Variants in PACS1 observed in about 807,000 individuals in gnomAD.
PACS1 encodes the protein phosphofurin acidic cluster sorting protein 1, also known as PACS-1.
A neutral mutation model predicts 115.0 loss-of-function variants in PACS1; 24 were observed. The ratio of observed to expected loss-of-function variants is 0.21; its 90% CI spans 0.15 to 0.29. PACS1 has a LOEUF of 0.29. Among genes scored for constraint, PACS1 ranks in the 10% least tolerant of loss-of-function variants. The pLI, the probability that PACS1 is intolerant of heterozygous loss-of-function variation, is 1.00. For missense variants in PACS1, 838 were observed against 1,251.2 expected (o/e 0.67, Z 4.98); for synonymous variants, 453 against 504.5 (o/e 0.90, Z 1.37).
At chr11:66,172,845 G>T (rs1270670798) in intron 1 of PACS1, among the ~76,000 whole-genome samples, 2 of 151,866 alleles carry the variant, frequency 1.3e-5, no homozygotes, top group Non-Finnish European at 2.9e-5. Context: ...GCGTGGTGGC[G>T]CGTGCCTGTA....
Position 66,070,433 on chromosome 11 carries a change from C to T in PACS1, c.-54C>T. ...CCGCCGCCGCCGCCGCGGGGGAAGCCTGGGAGCCAGATCGGCGTCGCCTCG... is the reference window on the plus strand; with the variant it reads ...CCGCCGCCGCCGCCGCGGGGGAAGCTTGGGAGCCAGATCGGCGTCGCCTCG... On this transcript the variant is annotated 5_prime_UTR_variant, in exon 1 of 24. Transcript: ENST00000320580. This position sits in a 1 kb window ranked among gnomAD's most constrained non-coding sequence, Gnocchi z 5.9. 9 of 1,104,648 alleles carry T rather than the reference C, an allele frequency of 8.1e-6. No individual in the cohort carries two copies. Among genetic ancestry groups the T allele is most frequent in the Non-Finnish European group, 9.1e-6 (8 of 876,206 alleles). 68.4% of individuals were successfully genotyped at this position (1,104,648 alleles called of 1,614,324 possible). A position where few individuals can be genotyped will look rare whatever the true frequency, so the allele number is the denominator to read the frequency against.
At chr11:66,140,207 A>G (rs1046662222) in intron 1 of PACS1, among the ~76,000 whole-genome samples, 2 of 152,208 alleles carry the variant, frequency 1.3e-5, no homozygotes, top group Non-Finnish European at 2.9e-5. Flanking sequence ...GGTGGGACCT[A>G]TAAGTCTGCA....
At position 66,243,374 on chromosome 11, in the gene PACS1, C is replaced by T; in HGVS notation, c.*94C>T. 1 of 812,238 alleles carries T rather than the reference C, an allele frequency of 1.2e-6. No homozygotes were observed. The allele number at this position is 812,238 out of a possible 1,614,324, so 50.3% of individuals were successfully genotyped here. A position where few individuals can be genotyped will look rare whatever the true frequency, so the allele number is the denominator to read the frequency against. On this transcript the variant is annotated 3_prime_UTR_variant, in exon 24 of 24. Coordinates refer to ENST00000320580, the MANE Select transcript of PACS1 (RefSeq NM_018026.4). ...GCCAGCAGGCCCGGGCCCAGCACCC[C>T]TTCCCTGGCACCAGGGTCTGCCTCT...
In PACS1 at chr11:66,208,290, C is replaced by CA. The variant is rs370125146; in HGVS notation, c.445-2071dup. 3.9e-3 allele frequency among the ~76,000 whole-genome samples: 593 copies of CA among 152,194 alleles called. 4 individuals are homozygous for CA. The highest frequency in any genetic ancestry group is 0.013 in the African/African-American group (540 of 41,526). The stretch of plus-strand genomic sequence containing the variant: ...AGAGTAATCACAGCTTTGCTGAAGA[C>CA]ACGTGAGAGATGAGCAGCTCAAAAA... On this transcript the variant is annotated intron_variant, in intron 2 of 23. Coordinates refer to ENST00000320580, the MANE Select transcript of PACS1 (RefSeq NM_018026.4).
intron 4 of PACS1, among the ~76,000 whole-genome samples, chr11:66,213,264 T>C (rs1339446305): frequency 6.6e-6 from 1 of 152,242 alleles, no homozygotes; most frequent in Non-Finnish European, 1.5e-5. Context: ...TCTGCTACTA[T>C]CATTTTTTTA....
intron 1 of PACS1, among the ~76,000 whole-genome samples, chr11:66,087,145 C>T (rs1013579601): frequency 5.3e-5 from 8 of 152,200 alleles, no homozygotes; most frequent in Non-Finnish European, 1.0e-4. Context: ...ACTCCACCAA[C>T]GATAGCTAGT....
chr11:66,211,917 A>G (rs1002878502), intron 4 of PACS1, among the ~76,000 whole-genome samples: 15 of 151,696 alleles, frequency 9.9e-5, no homozygotes, highest in African/African-American at 2.7e-4. Context: ...GGTTTTCCTT[A>G]CCTTTCATGA....
At chr11:66,123,919 C>T (rs1301691493) in intron 1 of PACS1, among the ~76,000 whole-genome samples, 1 of 151,964 alleles carries the variant, frequency 6.6e-6, no homozygotes, top group African/African-American at 2.4e-5. Context: ...TTTATATGCA[C>T]CGGGAAATAA....
At chr11:66,219,610 A>C (rs1423875487) in intron 7 of PACS1, 136 bp from the exon 8 acceptor site, 1 of 762,064 alleles carries the variant, frequency 1.3e-6, no homozygotes, top group Non-Finnish European at 2.4e-6. Flanking sequence ...TTGAGTGCCA[A>C]GGGCAGAGAC....
chr11:66,118,953 A>ACCACAAC lies in PACS1; in HGVS notation c.356+48112_356+48118dup, dbSNP rs1458238980. Among the ~76,000 whole-genome samples the ACCACAAC allele has an allele frequency of 3.7e-4, 57 of 152,292 alleles. 1 individual carries two copies. Among genetic ancestry groups the ACCACAAC allele is most frequent in the African/African-American group, 1.3e-3 (55 of 41,558 alleles). On this transcript the variant is annotated intron_variant, in intron 1 of 23. Coordinates refer to ENST00000320580, the MANE Select transcript of PACS1 (RefSeq NM_018026.4). ...GGAGATATAGACAATTGAATAATCA[A>ACCACAAC]CCACAACATGTTATAGTAAGTGCTA...
At chr11:66,121,485 G>C (rs191815008) in intron 1 of PACS1, among the ~76,000 whole-genome samples, 238 of 152,306 alleles carry the variant, frequency 1.6e-3, no homozygotes, top group Middle Eastern at 0.01. Flanking sequence ...AATATTGAAA[G>C]CCAAGACAGG....
At chr11:66,091,742 G>A (rs1151528) in intron 1 of PACS1, among the ~76,000 whole-genome samples, 149,362 of 151,016 alleles carry the variant, frequency 0.99, 73,890 homozygotes, top group Middle Eastern at 1. Context: ...TCATTGTTCA[G>A]TTCCCACCTA....
chr11:66,091,700 T>G (rs1857669406), intron 1 of PACS1, among the ~76,000 whole-genome samples: 3 of 143,962 alleles, frequency 2.1e-5, no homozygotes. Context: ...GTCCCCAGAG[T>G]GTGATGTTCC....
intron 21 of PACS1, among the ~76,000 whole-genome samples, chr11:66,240,655 A>G (rs1744261680): frequency 6.6e-6 from 1 of 152,066 alleles, no homozygotes; most frequent in African/African-American, 2.4e-5. Flanking sequence ...TGGGGACCTC[A>G]GGTTCCTGGC....
chr11:66,132,589 T>G (rs1314453323), intron 1 of PACS1, among the ~76,000 whole-genome samples: 1 of 152,192 alleles, frequency 6.6e-6, no homozygotes, highest in Non-Finnish European at 1.5e-5. Flanking sequence ...ACTGTATTAT[T>G]TAGGGAATAA....
intron 1 of PACS1, among the ~76,000 whole-genome samples, chr11:66,115,763 G>A (rs1379956895): frequency 2.6e-5 from 4 of 152,084 alleles, no homozygotes; most frequent in Admixed American, 6.5e-5. Context: ...AGCTGACCTC[G>A]GTATTAACCT....
chr11:66,103,132 A>G (rs1857959003), intron 1 of PACS1, among the ~76,000 whole-genome samples: 2 of 151,930 alleles, frequency 1.3e-5, no homozygotes. Context: ...AGCCTGGCCA[A>G]CCTGTGAGTT....
chr11:66,217,729 C>G (rs926019117), intron 7 of PACS1: 10 of 409,794 alleles, frequency 2.4e-5, no homozygotes, highest in Non-Finnish European at 3.5e-5. Context: ...TCCAAATGGT[C>G]CCCATGAGGT....
chr11:66,120,238 C>T (rs185605183), intron 1 of PACS1, among the ~76,000 whole-genome samples: 1 of 151,518 alleles, frequency 6.6e-6, no homozygotes, highest in Non-Finnish European at 1.5e-5. Flanking sequence ...ACCTCTGCCC[C>T]CTGTGTGCCA....
Sources: allele counts gnomAD v4.1 joint callset (sites outside exome capture counted in the v4.1 genomes callset), GRCh38; gene constraint gnomAD v4.1.1; non-coding constraint Gnocchi (gnomAD v3.1); transcripts MANE v1.5; gene names NCBI Gene and HGNC (gene_info 2026-07-23, HGNC 2026-07-21).